Variants in ADGRB3 observed in about 807,000 individuals in gnomAD.
ADGRB3 encodes the protein brain-specific angiogenesis inhibitor 3.
ADGRB3 carries 37 observed loss-of-function variants against 193.4 expected under a neutral mutation model. That is an observed-to-expected ratio of 0.19 (90% confidence interval 0.15 to 0.25). ADGRB3 has a LOEUF of 0.25. Among genes scored for constraint, ADGRB3 ranks in the 10% least tolerant of loss-of-function variants. The probability of loss-of-function intolerance (pLI) is 1.00; values close to 1 mark genes in which losing one functional copy is unlikely to be tolerated. For missense variants in ADGRB3, 1,637 were observed against 1,852.9 expected (o/e 0.88, Z 2.14); for synonymous variants, 690 against 644.2 (o/e 1.07, Z -1.08).
At chr6:68,940,157 T>C (rs967619006) in intron 5 of ADGRB3, among the ~76,000 whole-genome samples, 8 of 152,154 alleles carry the variant, frequency 5.3e-5, no homozygotes, top group Admixed American at 2.6e-4. Flanking sequence ...CCTTTATTAC[T>C]CAAAGTAAAA....
At chr6:69,265,547 T>A (rs1391455277) in intron 20 of ADGRB3, among the ~76,000 whole-genome samples, 1 of 151,964 alleles carries the variant, frequency 6.6e-6, no homozygotes, top group African/African-American at 2.4e-5. Flanking sequence ...AACTTAATTG[T>A]GAAAGCCTCT....
At chr6:69,342,103 A>G (rs1382362072) in intron 26 of ADGRB3, among the ~76,000 whole-genome samples, 3 of 152,158 alleles carry the variant, frequency 2.0e-5, no homozygotes, top group African/African-American at 7.2e-5. Context: ...TGCTAATTGG[A>G]CTATTAACTG....
At chr6:68,865,066 T>C (rs1330435211) in intron 3 of ADGRB3, among the ~76,000 whole-genome samples, 1 of 152,172 alleles carries the variant, frequency 6.6e-6, no homozygotes, top group Admixed American at 6.5e-5. Context: ...TGCAAATTTA[T>C]TTGTATCTCT....
intron 3 of ADGRB3, among the ~76,000 whole-genome samples, chr6:68,929,445 GA>G (rs1767275520): frequency 6.6e-6 from 1 of 152,086 alleles, no homozygotes; most frequent in Non-Finnish European, 1.5e-5. Context: ...TTCCATACAA[GA>G]ATTGGTAGAA....
intron 17 of ADGRB3, among the ~76,000 whole-genome samples, chr6:69,116,577 T>G (rs1773539278): frequency 1.3e-5 from 2 of 152,138 alleles, no homozygotes; most frequent in Admixed American, 6.5e-5. Flanking sequence ...AAAATAAGGA[T>G]TACAGAGGCA....
At chr6:69,013,871 G>A (rs1180594787) in intron 11 of ADGRB3, among the ~76,000 whole-genome samples, 167 bp from the exon 12 acceptor site, 4 of 151,920 alleles carry the variant, frequency 2.6e-5, no homozygotes, top group South Asian at 4.1e-4. Flanking sequence ...CTAGAATTAC[G>A]GTTCTGTAAA....
chr6:68,954,825 C>T (rs1185663913), intron 6 of ADGRB3, among the ~76,000 whole-genome samples: 7 of 151,918 alleles, frequency 4.6e-5, no homozygotes, highest in East Asian at 3.9e-4. Flanking sequence ...GGACTACAGG[C>T]GCCCGCCACC....
chr6:69,178,023 G>C (rs1261556269), intron 17 of ADGRB3, among the ~76,000 whole-genome samples: 1 of 152,148 alleles, frequency 6.6e-6, no homozygotes, highest in Non-Finnish European at 1.5e-5. Flanking sequence ...TCTGTCTAAT[G>C]CTGTCAGTAG....
intron 20 of ADGRB3, among the ~76,000 whole-genome samples, chr6:69,260,455 A>G (rs1038924317): frequency 2.6e-5 from 4 of 152,180 alleles, no homozygotes; most frequent in African/African-American, 7.2e-5. Flanking sequence ...TATTAATATT[A>G]GGACTTCCTT....
chr6:69,138,771 C>T (rs911679674), intron 17 of ADGRB3, among the ~76,000 whole-genome samples: 10 of 151,834 alleles, frequency 6.6e-5, no homozygotes, highest in South Asian at 2.1e-4. Context: ...GTAACGCTGC[C>T]GTTGATACTA....
intron 3 of ADGRB3, among the ~76,000 whole-genome samples, chr6:68,836,529 T>TGAATGTAATGA (rs1483852766): frequency 6.6e-6 from 1 of 152,170 alleles, no homozygotes; most frequent in Non-Finnish European, 1.5e-5. Flanking sequence ...AACTTGAGGT[T>TGAATGTAATGA]CCACATTACA....
chr6:68,739,933 G>C (rs190564660), intron 3 of ADGRB3, among the ~76,000 whole-genome samples: 1 of 152,188 alleles, frequency 6.6e-6, no homozygotes, highest in African/African-American at 2.4e-5. Context: ...TCGAAAGGTT[G>C]TAGCTTGTTA....
At chr6:68,649,587 A>G (rs1024277259) in intron 3 of ADGRB3, among the ~76,000 whole-genome samples, 3 of 152,174 alleles carry the variant, frequency 2.0e-5, no homozygotes, top group Non-Finnish European at 2.9e-5. Context: ...TTTTTAGTCT[A>G]AGATTATTAA....
In ADGRB3 at chr6:68,775,145, T is replaced by TAAAAA. The variant is rs746086066; in HGVS notation, c.757+135725_757+135729dup. On this transcript the variant is annotated intron_variant, in intron 3 of 31. Coordinates refer to ENST00000370598, the MANE Select transcript of ADGRB3 (RefSeq NM_001704.3). ...TCCATAGCTCTGACAAGCTGCTTGT[T>TAAAAA]AAAAAAAAAAAAAAAAGTCTTTTAA... is the stretch of plus-strand genomic sequence containing the variant. Among the ~76,000 whole-genome samples the TAAAAA allele has an allele frequency of 2.0e-4, 23 of 115,644 alleles. 3 individuals carry two copies. The highest frequency in any genetic ancestry group is 3.0e-4 in the South Asian group (1 of 3,374). The allele number at this position is 115,644 out of a possible 152,430, so 75.9% of individuals were successfully genotyped here.
intron 20 of ADGRB3, among the ~76,000 whole-genome samples, chr6:69,298,420 G>T (rs1767875790): frequency 6.6e-6 from 1 of 151,874 alleles, no homozygotes; most frequent in Non-Finnish European, 1.5e-5. Flanking sequence ...TCTGGTTTTT[G>T]AAATATACAA....
intron 3 of ADGRB3, among the ~76,000 whole-genome samples, chr6:68,741,574 G>T (rs1476187249): frequency 6.6e-6 from 1 of 152,000 alleles, no homozygotes; most frequent in East Asian, 1.9e-4. Context: ...TTTTTGCAGA[G>T]GCAGGGTTTC....
chr6:69,304,771 T>C (rs971046482), intron 20 of ADGRB3, among the ~76,000 whole-genome samples: 11 of 151,574 alleles, frequency 7.3e-5, no homozygotes, highest in African/African-American at 2.7e-4. Flanking sequence ...TATCTGTCTC[T>C]AGAGTAATGG....
chr6:69,185,684 T>C lies in ADGRB3; in HGVS notation c.2481-47606T>C, dbSNP rs1765051854. Among the ~76,000 whole-genome samples the C allele has an allele frequency of 2.0e-5, 3 of 152,144 alleles. No individual in the cohort carries two copies. The South Asian group carries it at 6.2e-4, about 31-fold the overall frequency. On this transcript the variant is annotated intron_variant, in intron 17 of 31. Coordinates refer to ENST00000370598, the MANE Select transcript of ADGRB3 (RefSeq NM_001704.3). The stretch of plus-strand genomic sequence containing the variant: ...CTATTTAGGTCTTGATTCATGTAAT[T>C]GAAGAAAATAAAATATGTGTATGCA...
intron 8 of ADGRB3, among the ~76,000 whole-genome samples, chr6:68,974,534 AAGG>A (rs1223077601): frequency 3.3e-5 from 5 of 152,106 alleles, no homozygotes; most frequent in Admixed American, 2.0e-4. Flanking sequence ...TCAAGAGACT[AAGG>A]AGGGAGGATG....
Sources: allele counts gnomAD v4.1 joint callset (sites outside exome capture counted in the v4.1 genomes callset), GRCh38; gene constraint gnomAD v4.1.1; transcripts MANE v1.5; gene names NCBI Gene and HGNC (gene_info 2026-07-23, HGNC 2026-07-21).